Variants in ARHGEF28 observed in about 807,000 individuals in gnomAD.
The protein encoded by ARHGEF28 is Rho guanine nucleotide exchange factor 28, also known as 190 kDa guanine nucleotide exchange factor.
ARHGEF28 carries 152 observed loss-of-function variants against 206.6 expected under a neutral mutation model. The observed-to-expected ratio is 0.74, with a 90% confidence interval of 0.64 to 0.84. The LOEUF (loss-of-function observed/expected upper bound fraction) is 0.84. Ranked by LOEUF, ARHGEF28 falls within the 40% of genes least tolerant of loss-of-function variation. The probability of loss-of-function intolerance (pLI) is 0.00; values close to 1 mark genes in which losing one functional copy is unlikely to be tolerated. For synonymous variants in ARHGEF28, 763 were observed against 776.4 expected (o/e 0.98, Z 0.29); for missense variants, 2,028 against 2,073.2 (o/e 0.98, Z 0.42).
chr5:73,909,744 G>A lies in ARHGEF28; in HGVS notation c.4494G>A (p.Gln1498=). 6.6e-7 allele frequency: 1 copy of A among 1,515,902 alleles called. No homozygotes were observed. The highest frequency in any genetic ancestry group is 1.2e-5 in the South Asian group (1 of 80,012). The allele number at this position is 1,515,902 out of a possible 1,614,324, so 93.9% of individuals were successfully genotyped here. The stretch of plus-strand genomic sequence containing the variant: ...GGGGCGAGCTGGACCTCCAGCTCCA[G>A]GAGTACCAGCACAGCCTGGAGCGGC... The part of the protein sequence containing the change: ...RSRGELDLQL[Q]EYQHSLERLR... The change falls in exon 34 of 36, where the codon CAG becomes CAA. Residue 1498 remains glutamine (Q), a synonymous_variant. Transcript: ENST00000513042.
At chr5:73,796,565 G>A (rs1754832788) in intron 9 of ARHGEF28, among the ~76,000 whole-genome samples, 1 of 152,244 alleles carries the variant, frequency 6.6e-6, no homozygotes, top group East Asian at 1.9e-4. Flanking sequence ...ATCATGCTGT[G>A]TAGAGCAGAG....
At chr5:73,654,225 G>A (rs1231375040) in intron 1 of ARHGEF28, among the ~76,000 whole-genome samples, 1 of 152,156 alleles carries the variant, frequency 6.6e-6, no homozygotes, top group Non-Finnish European at 1.5e-5. Context: ...TCACAATGGG[G>A]GATTTCCCCA....
chr5:73,702,952 T>A (rs1194793280), intron 2 of ARHGEF28, among the ~76,000 whole-genome samples: 2 of 152,222 alleles, frequency 1.3e-5, no homozygotes, highest in African/African-American at 2.4e-5. Flanking sequence ...TGAGTTGAGA[T>A]AGCAAGAGTT....
Position 73,772,941 on chromosome 5 carries a change from A to G in ARHGEF28, c.476-914A>G, listed in dbSNP as rs201169967. ...AATGGAATAGTAAGATAGCGTTAAT[A>G]TGGACAGGAAACTGTGGAGAAGTAG... On this transcript the variant is annotated intron_variant, in intron 4 of 35. Transcript: ENST00000513042. Among the ~76,000 whole-genome samples, 6 of 152,344 alleles carry G rather than the reference A, an allele frequency of 3.9e-5. No homozygotes were observed. In the East Asian group the frequency reaches 5.8e-4, roughly 15 times the overall value.
intron 4 of ARHGEF28, among the ~76,000 whole-genome samples, chr5:73,769,166 A>G (rs555940277): frequency 2.4e-4 from 36 of 152,252 alleles, no homozygotes; most frequent in East Asian, 1.5e-3. Context: ...TATCAGAAAA[A>G]ATATTTTACC....
intron 7 of ARHGEF28, among the ~76,000 whole-genome samples, chr5:73,787,526 A>G (rs1754234359): frequency 6.6e-6 from 1 of 152,110 alleles, no homozygotes; most frequent in Admixed American, 6.5e-5. Flanking sequence ...TTCTAATGCT[A>G]TCCATCCCCT....
At chr5:73,926,756 G>A (rs75492361) in intron 35 of ARHGEF28, among the ~76,000 whole-genome samples, 1 of 152,180 alleles carries the variant, frequency 6.6e-6, no homozygotes, top group African/African-American at 2.4e-5. Context: ...CTTTGAGATG[G>A]TGTCCACCTG....
At chr5:73,628,336 C>T (rs2112108747) in intron 1 of ARHGEF28, among the ~76,000 whole-genome samples, 1 of 152,214 alleles carries the variant, frequency 6.6e-6, no homozygotes. Context: ...TATATTGGTA[C>T]CCAAGCTCCA....
chr5:73,764,922 A>C (rs1216824010), intron 4 of ARHGEF28, among the ~76,000 whole-genome samples: 1 of 152,148 alleles, frequency 6.6e-6, no homozygotes, highest in African/African-American at 2.4e-5. Context: ...AGAATCCTGA[A>C]AACATCTTAA....
intron 2 of ARHGEF28, among the ~76,000 whole-genome samples, chr5:73,724,530 A>G (rs1350674888): frequency 2.6e-5 from 4 of 152,144 alleles, no homozygotes; most frequent in African/African-American, 9.7e-5. Flanking sequence ...TCACCCCAAA[A>G]TTCCCTGTGC....
chr5:73,645,412 C>T (rs1012518199), intron 1 of ARHGEF28, among the ~76,000 whole-genome samples: 1 of 152,126 alleles, frequency 6.6e-6, no homozygotes, highest in African/African-American at 2.4e-5. Flanking sequence ...AATTTCTTCT[C>T]AGATTGTTTC....
Position 73,795,611 on chromosome 5 carries a change from G to C in ARHGEF28, c.1024+220G>C, listed in dbSNP as rs1054308417. 8.6e-6 allele frequency: 4 copies of C among 465,628 alleles called. No individual in the cohort carries two copies. In the African/African-American group the frequency reaches 9.9e-5, roughly 11 times the overall value. The allele number at this position is 465,628 out of a possible 1,614,324, so 28.8% of individuals were successfully genotyped here. On this transcript the variant is annotated intron_variant, in intron 9 of 35. Transcript: ENST00000513042. ...CAATCTAAAAAACAAGGCAATCAAA[G>C]CTTTTCCTGAACAGTTTTACTCTGA...
intron 14 of ARHGEF28, among the ~76,000 whole-genome samples, chr5:73,854,859 A>G (rs1013901669): frequency 1.3e-5 from 2 of 151,936 alleles, no homozygotes; most frequent in African/African-American, 4.8e-5. Context: ...CAAAAACAAC[A>G]ACAACAACAA....
In ARHGEF28 at chr5:73,911,462, T is replaced by G; in HGVS notation, c.4835T>G (p.Leu1612Arg). 1 of 1,614,010 alleles carries G rather than the reference T, an allele frequency of 6.2e-7. No individual in the cohort carries two copies. The highest frequency in any genetic ancestry group is 8.5e-7 in the Non-Finnish European group (1 of 1,179,898). Residue 1612 changes from leucine to arginine, a missense_variant, in exon 35 of 36, where the codon CTC (leucine) becomes CGC (arginine). Physicochemically the swap from Leu to Arg is moderately radical, Grantham distance 102. Around this residue, in one of 3 missense-constraint regions of ARHGEF28, gnomAD observed 803 missense variants for 768.0 expected, o/e 1.05. Coordinates refer to ENST00000513042, the MANE Select transcript of ARHGEF28 (RefSeq NM_001177693.2). Reference sequence around the variant, plus strand: ...AGGACTAGTGAACATCAAGTAGACCTCAAGGTGGACCCTTCTCAGCCTTCG... The same window carrying G: ...AGGACTAGTGAACATCAAGTAGACCGCAAGGTGGACCCTTCTCAGCCTTCG... ...LVRTSEHQVDLKVDPSQPSNV... is the reference protein window; with the variant it reads ...LVRTSEHQVDRKVDPSQPSNV...
intron 11 of ARHGEF28, 63 bp downstream of exon 11, chr5:73,840,823 A>G (rs1757945062): frequency 6.8e-7 from 1 of 1,480,130 alleles, no homozygotes; most frequent in Non-Finnish European, 9.0e-7. Flanking sequence ...GTAGACTTCA[A>G]AAATTCTAGT....
intron 14 of ARHGEF28, 106 bp downstream of exon 14, chr5:73,852,798 T>C (rs1485232804): frequency 8.2e-7 from 1 of 1,220,242 alleles, no homozygotes; most frequent in Non-Finnish European, 1.2e-6. Flanking sequence ...GAGGTTTCCA[T>C]GTAACAAGCC....
Position 73,915,613 on chromosome 5 carries a change from C to T in ARHGEF28, c.4948+4038C>T, listed in dbSNP as rs1247200797. On this transcript the variant is annotated intron_variant, in intron 35 of 35. Coordinates refer to ENST00000513042, the MANE Select transcript of ARHGEF28 (RefSeq NM_001177693.2). ...GTAATCGGCCCTATGAGATGCTCAA[C>T]AGCATTACTCTGAAAGGCAAAAACA... Among the ~76,000 whole-genome samples, 4 of 152,126 alleles carry T rather than the reference C, an allele frequency of 2.6e-5. No homozygotes were observed. The East Asian group carries it at 5.8e-4, about 22-fold the overall frequency.
At chr5:73,763,435 G>A (rs1752720336) in intron 4 of ARHGEF28, among the ~76,000 whole-genome samples, 1 of 152,222 alleles carries the variant, frequency 6.6e-6, no homozygotes, top group Non-Finnish European at 1.5e-5. Flanking sequence ...CGAATGGCCA[G>A]TTTCCTGGTT....
chr5:73,845,601 G>T (rs1758286831), intron 11 of ARHGEF28, among the ~76,000 whole-genome samples: 1 of 152,112 alleles, frequency 6.6e-6, no homozygotes, highest in Non-Finnish European at 1.5e-5. Context: ...TATTTGATGG[G>T]TTACCATTTG....
Sources: allele counts gnomAD v4.1 joint callset (sites outside exome capture counted in the v4.1 genomes callset), GRCh38; gene constraint gnomAD v4.1.1; regional missense constraint gnomAD v4.1.1; transcripts MANE v1.5; gene names NCBI Gene and HGNC (gene_info 2026-07-23, HGNC 2026-07-21).